The following PITPNC1 variants were observed in gnomAD, a reference collection of about 807,000 sequenced individuals.
PITPNC1 encodes the protein phosphatidylinositol transfer protein cytoplasmic 1.
A neutral mutation model predicts 44.7 loss-of-function variants in PITPNC1; 18 were observed. The observed-to-expected ratio is 0.40, with a 90% CI of 0.28 to 0.60. The LOEUF (loss-of-function observed/expected upper bound fraction) is 0.60, where lower values mean the gene tolerates loss of function less well. Ranked by LOEUF, PITPNC1 falls within the 20% of genes least tolerant of loss-of-function variation. The pLI, the probability that PITPNC1 is intolerant of heterozygous loss-of-function variation, is 0.39. For missense variants in PITPNC1, 290 were observed against 418.4 expected (o/e 0.69, Z 2.68); for synonymous variants, 141 against 149.6 (o/e 0.94, Z 0.42).
chr17:67,638,780 T>C (rs1313914645), intron 6 of PITPNC1: 1 of 152,102 alleles, frequency 6.6e-6, no homozygotes, highest in African/African-American at 2.4e-5. Flanking sequence ...CGGCATGTTA[T>C]GAATCCAGTC....
chr17:67,510,122 A>G (rs1199465472), intron 1 of PITPNC1, among the ~76,000 whole-genome samples: 1 of 152,214 alleles, frequency 6.6e-6, no homozygotes, highest in Non-Finnish European at 1.5e-5. Context: ...AGCACAGGGC[A>G]TTGGGTGAGT....
At chr17:67,461,305 A>G (rs1042221206) in intron 1 of PITPNC1, among the ~76,000 whole-genome samples, 15 of 152,362 alleles carry the variant, frequency 9.8e-5, no homozygotes, top group African/African-American at 3.6e-4. Context: ...GAATCTTCCT[A>G]CTGGAAGTCA....
intron 6 of PITPNC1, among the ~76,000 whole-genome samples, chr17:67,645,377 T>C: frequency 6.6e-6 from 1 of 150,738 alleles, no homozygotes; most frequent in East Asian, 1.9e-4. Context: ...AAGTGATTTG[T>C]TTTGATTGAC....
intron 1 of PITPNC1, among the ~76,000 whole-genome samples, chr17:67,403,109 T>TG (rs970556547): frequency 6.7e-6 from 1 of 150,034 alleles, no homozygotes; most frequent in Non-Finnish European, 1.5e-5. Context: ...AACATAGGTC[T>TG]GGCCAGGTGA....
intron 6 of PITPNC1, among the ~76,000 whole-genome samples, chr17:67,656,675 T>C (rs1023323503): frequency 2.0e-5 from 3 of 152,146 alleles, no homozygotes; most frequent in African/African-American, 7.2e-5. Flanking sequence ...AGTCCAGCCT[T>C]ATGACGTTTT....
intron 1 of PITPNC1, among the ~76,000 whole-genome samples, chr17:67,471,071 G>C (rs1489430194): frequency 2.4e-5 from 3 of 122,462 alleles, no homozygotes; most frequent in Admixed American, 1.7e-4. Context: ...ACTGCGGAAG[G>C]CCGCAGGGTC....
chr17:67,554,253 ATTT>A (rs11413972), intron 4 of PITPNC1, among the ~76,000 whole-genome samples: 6 of 111,118 alleles, frequency 5.4e-5, no homozygotes, highest in East Asian at 2.5e-4. Context: ...ATAGTTTATG[ATTT>A]TTTTTTTTTT....
At chr17:67,412,073 C>T (rs887776088) in intron 1 of PITPNC1, among the ~76,000 whole-genome samples, 6 of 152,254 alleles carry the variant, frequency 3.9e-5, no homozygotes, top group East Asian at 3.9e-4. Flanking sequence ...GGCAAGTCAA[C>T]GAAATTTTCT....
chr17:67,563,518 TA>T (rs2040933316), intron 4 of PITPNC1, among the ~76,000 whole-genome samples: 1 of 152,154 alleles, frequency 6.6e-6, no homozygotes, highest in Non-Finnish European at 1.5e-5. Context: ...TAAACAAGAA[TA>T]AAGCGTTGAG....
chr17:67,537,001 T>C (rs1438163891), intron 2 of PITPNC1, among the ~76,000 whole-genome samples: 3 of 152,136 alleles, frequency 2.0e-5, no homozygotes, highest in East Asian at 3.8e-4. Flanking sequence ...AAAAAGACAC[T>C]TATAGGCCAA....
intron 1 of PITPNC1, among the ~76,000 whole-genome samples, chr17:67,463,942 C>G (rs1356679019): frequency 6.6e-6 from 1 of 151,924 alleles, no homozygotes; most frequent in African/African-American, 2.4e-5. Flanking sequence ...GCCTGTAACC[C>G]CAGCACTTTG....
At chr17:67,618,563 C>T (rs2041790606) in intron 5 of PITPNC1, among the ~76,000 whole-genome samples, 1 of 151,186 alleles carries the variant, frequency 6.6e-6, no homozygotes, top group Admixed American at 6.6e-5. Context: ...CCAGCCTGGC[C>T]AACATGGTGA....
chr17:67,457,968 TG>T (rs2039279594), intron 1 of PITPNC1: 1 of 152,264 alleles, frequency 6.6e-6, no homozygotes, highest in African/African-American at 2.4e-5. Flanking sequence ...ACGCTTCTCC[TG>T]GGCTGCTCCC....
At chr17:67,519,471 C>T (rs1179984174) in intron 1 of PITPNC1, among the ~76,000 whole-genome samples, 1 of 152,078 alleles carries the variant, frequency 6.6e-6, no homozygotes, top group Non-Finnish European at 1.5e-5. Flanking sequence ...GACACCATGC[C>T]CAGGCAGAAG....
At chr17:67,387,244 C>T (rs2038068153) in intron 1 of PITPNC1, among the ~76,000 whole-genome samples, 3 of 152,260 alleles carry the variant, frequency 2.0e-5, no homozygotes, top group Admixed American at 2.0e-4. Flanking sequence ...CTTTCATGCT[C>T]CCAGCCCCTG....
intron 1 of PITPNC1, chr17:67,471,633 T>G (rs2039534656): frequency 2.9e-6 from 1 of 350,106 alleles, no homozygotes; most frequent in African/African-American, 2.3e-5. Context: ...TTTAGCTAAA[T>G]CAGGTTGACA....
chr17:67,560,645 G>A (rs2040895202), intron 4 of PITPNC1, among the ~76,000 whole-genome samples: 1 of 152,192 alleles, frequency 6.6e-6, no homozygotes, highest in Non-Finnish European at 1.5e-5. Flanking sequence ...CTACATCTCA[G>A]CACCCCAATT....
intron 1 of PITPNC1, chr17:67,379,328 A>G (rs2037922845): frequency 2.0e-6 from 2 of 985,514 alleles, no homozygotes; most frequent in Non-Finnish European, 2.4e-6. Flanking sequence ...AAAAAGATGC[A>G]TAACTGAGAA....
intron 4 of PITPNC1, among the ~76,000 whole-genome samples, chr17:67,561,295 A>C (rs2040903548): frequency 6.6e-6 from 1 of 152,158 alleles, no homozygotes; most frequent in Non-Finnish European, 1.5e-5. Context: ...ACCTCTACTA[A>C]AAATACAAAA....
Sources: allele counts gnomAD v4.1 joint callset (sites outside exome capture counted in the v4.1 genomes callset), GRCh38; gene constraint gnomAD v4.1.1; transcripts MANE v1.5; gene names NCBI Gene and HGNC (gene_info 2026-07-23, HGNC 2026-07-21).